The following SLC15A1 variants were observed in gnomAD, a reference collection of about 807,000 sequenced individuals.
SLC15A1 encodes solute carrier family 15 member 1, also known as Caco-2 oligopeptide transporter.
A neutral mutation model predicts 92.9 loss-of-function variants in SLC15A1; 83 were observed. The ratio of observed to expected loss-of-function variants is 0.89; its 90% CI spans 0.75 to 1.07. SLC15A1 has a LOEUF of 1.07. Ranked by LOEUF, SLC15A1 falls within the 50% of genes least tolerant of loss-of-function variation. The pLI is 0.00. For missense variants in SLC15A1, 857 were observed against 880.1 expected (o/e 0.97, Z 0.33); for synonymous variants, 322 against 318.2 (o/e 1.01, Z -0.13).
chr13:98,729,774 C>T (rs1469514308), intron 1 of SLC15A1, among the ~76,000 whole-genome samples: 2 of 152,228 alleles, frequency 1.3e-5, no homozygotes, highest in Non-Finnish European at 2.9e-5. Flanking sequence ...CCCTTCCCGA[C>T]CCTGACCACG....
intron 5 of SLC15A1, among the ~76,000 whole-genome samples, chr13:98,723,649 T>C (rs4772126): frequency 0.37 from 56,175 of 152,082 alleles, 13,142 homozygotes; most frequent in Non-Finnish European, 0.53. Context: ...ATGAATCCCC[T>C]GCGCACTGAC....
chr13:98,731,325 T>C lies in SLC15A1; in HGVS notation c.5-4466A>G, dbSNP rs554550250. On this transcript the variant is annotated intron_variant, in intron 1 of 22. Coordinates refer to ENST00000376503, the MANE Select transcript of SLC15A1 (RefSeq NM_005073.4). ...CCAGTGTCCGGCGAATAGGAAGGGC[T>C]GGTCGGGCAAGCGTGTGTTTTGCAA... 4.6e-5 allele frequency among the ~76,000 whole-genome samples: 7 copies of C among 152,336 alleles called. No homozygotes were observed. In the East Asian group the frequency reaches 1.4e-3, roughly 29 times the overall value.
At chr13:98,708,323 T>G (rs528408576) in intron 15 of SLC15A1, among the ~76,000 whole-genome samples, 1 of 152,324 alleles carries the variant, frequency 6.6e-6, no homozygotes, top group East Asian at 1.9e-4. Context: ...TCAAAATACA[T>G]TCTCACATCA....
intron 1 of SLC15A1, among the ~76,000 whole-genome samples, chr13:98,736,530 A>C (rs1416872803): frequency 1.3e-5 from 2 of 152,260 alleles, no homozygotes; most frequent in Admixed American, 1.3e-4. Flanking sequence ...ACAGCAAAAG[A>C]AACTGCCATC....
chr13:98,730,966 ATTTGT>A (rs2088346014), intron 1 of SLC15A1, among the ~76,000 whole-genome samples: 1 of 152,090 alleles, frequency 6.6e-6, no homozygotes, highest in East Asian at 1.9e-4. Context: ...ACGTTGGGGT[ATTTGT>A]TTTTCTGGTG....
chr13:98,732,234 T>C (rs1163445269), intron 1 of SLC15A1, among the ~76,000 whole-genome samples: 3 of 152,224 alleles, frequency 2.0e-5, no homozygotes, highest in African/African-American at 4.8e-5. Context: ...CTAATGTTTC[T>C]AGTATTACTC....
Position 98,726,396 on chromosome 13 carries a change from G to T in SLC15A1, c.75C>A (p.Cys25Ter), listed in dbSNP as rs763694231. The part of the protein sequence containing the change: ...SIFFIVVNEF[C>*]ERFSYYGMRA... ...GCATTCCATAGTAGGAAAATCTTTC[G>T]CAAAACTCATTGACCACGATGAAGA... is the stretch of plus-strand genomic sequence containing the variant. The change falls in exon 3 of 23, where the codon TGC becomes TGA. Residue 25 changes from cysteine to a stop codon, truncating the protein, a stop_gained. Transcript: ENST00000376503. LOFTEE classifies it high-confidence loss of function. 6.2e-7 allele frequency: 1 copy of T among 1,614,116 alleles called. No homozygotes were observed. The highest frequency in any genetic ancestry group is 1.1e-5 in the South Asian group (1 of 91,088).
chr13:98,712,701 A>G, intron 9 of SLC15A1, 117 bp from the exon 10 acceptor site: 1 of 665,750 alleles, frequency 1.5e-6, no homozygotes, highest in Non-Finnish European at 2.6e-6. Context: ...AGCAAAATAT[A>G]CAATTGTATC....
At chr13:98,704,574 T>C in intron 16 of SLC15A1, 139 bp from the exon 17 acceptor site, 2 of 849,206 alleles carry the variant, frequency 2.4e-6, no homozygotes, top group South Asian at 1.9e-5. Context: ...CTGTGGGGAG[T>C]TGGCCTTTAT....
rs560909244 is a variant in SLC15A1 at position 98,685,461 on chromosome 13, G to A, written c.1936-546C>T. ...GAAGGAAAGAGTGTAAGTATCAGTA[G>A]AGCCCTCATTTAATTTTAGCTGGAA... On this transcript the variant is annotated intron_variant, in intron 22 of 22. Coordinates refer to ENST00000376503, the MANE Select transcript of SLC15A1 (RefSeq NM_005073.4). Among the ~76,000 whole-genome samples, 5 of 152,148 alleles carry A rather than the reference G, an allele frequency of 3.3e-5. No individual in the cohort carries two copies. In the South Asian group the frequency reaches 8.3e-4, roughly 25 times the overall value.
chr13:98,712,405 C>T, intron 10 of SLC15A1, 93 bp downstream of exon 10: 1 of 953,390 alleles, frequency 1.0e-6, no homozygotes, highest in Non-Finnish European at 1.7e-6. Context: ...TATCACTGAC[C>T]ATTTTGTCCA....
intron 1 of SLC15A1, among the ~76,000 whole-genome samples, chr13:98,729,015 C>T (rs946898830): frequency 2.1e-5 from 2 of 95,196 alleles, no homozygotes; most frequent in African/African-American, 8.2e-5. Context: ...AACAACAAGC[C>T]CCAAAACAAA....
At chr13:98,687,870 A>AT in intron 20 of SLC15A1, 146 bp from the exon 21 acceptor site, 1 of 957,090 alleles carries the variant, frequency 1.0e-6, no homozygotes, top group African/African-American at 1.7e-5. Flanking sequence ...GCAACACTGC[A>AT]TTTTACACTT....
At chr13:98,728,176 T>C (rs1424393844) in intron 1 of SLC15A1, among the ~76,000 whole-genome samples, 4 of 152,244 alleles carry the variant, frequency 2.6e-5, no homozygotes, top group Non-Finnish European at 4.4e-5. Context: ...TGGCTATAAA[T>C]GGATGCATTT....
chr13:98,749,451 C>T (rs2088523388), intron 1 of SLC15A1, among the ~76,000 whole-genome samples: 1 of 152,092 alleles, frequency 6.6e-6, no homozygotes, highest in Non-Finnish European at 1.5e-5. Flanking sequence ...TTTCAGAGTC[C>T]ATTTAGCATA....
chr13:98,726,551 T>TA (rs1444060623), intron 2 of SLC15A1, 102 bp from the exon 3 acceptor site: 8 of 1,042,664 alleles, frequency 7.7e-6, no homozygotes, highest in Admixed American at 5.8e-5. Context: ...GCAGATTCAG[T>TA]AACTTACCGG....
At chr13:98,687,480 T>G in intron 21 of SLC15A1, 101 bp downstream of exon 21, 1 of 1,414,320 alleles carries the variant, frequency 7.1e-7, no homozygotes, top group Non-Finnish European at 9.7e-7. Context: ...TTTCTAGACT[T>G]TTTAAAAAAT....
chr13:98,736,876 C>T (rs7335599), intron 1 of SLC15A1, among the ~76,000 whole-genome samples: 6,475 of 151,996 alleles, frequency 0.043, 456 homozygotes, highest in African/African-American at 0.15. Context: ...GAAATAGGAA[C>T]ACTTTTACAC....
At chr13:98,734,132 A>C (rs922136247) in intron 1 of SLC15A1, among the ~76,000 whole-genome samples, 15 of 151,854 alleles carry the variant, frequency 9.9e-5, no homozygotes, top group African/African-American at 3.4e-4. Flanking sequence ...TGCCTGGCTA[A>C]TTTTTGTATT....
Sources: gnomAD v4.1 joint callset for allele counts (sites outside exome capture counted in the v4.1 genomes callset) on GRCh38, gnomAD v4.1.1 for gene constraint, MANE v1.5 for transcripts, NCBI Gene and HGNC (gene_info 2026-07-23, HGNC 2026-07-21) for gene names.